Variants in PKHD1 observed in about 807,000 individuals in gnomAD.
The protein encoded by PKHD1 is fibrocystin.
In PKHD1, 291 loss-of-function variants were observed where a neutral mutation model predicts 412.0. The ratio of observed to expected loss-of-function variants is 0.71; its 90% CI spans 0.64 to 0.78. The LOEUF (loss-of-function observed/expected upper bound fraction) is 0.78, where lower values mean the gene tolerates loss of function less well. PKHD1 is among the 30% of genes least tolerant of loss of function. The pLI, the probability that PKHD1 is intolerant of heterozygous loss-of-function variation, is 0.00. For synonymous variants in PKHD1, 1,777 were observed against 1,821.5 expected, an observed-to-expected ratio of 0.98 and a Z score of 0.62; for missense variants, 4,825 against 4,950.7, an observed-to-expected ratio of 0.97 and a Z score of 0.76.
chr6:51,998,061 C>T (rs1435111313), intron 35 of PKHD1, among the ~76,000 whole-genome samples: 3 of 152,134 alleles, frequency 2.0e-5, no homozygotes, highest in South Asian at 2.1e-4. Flanking sequence ...TTGCACGTGG[C>T]GATAAATAAT....
intron 60 of PKHD1, among the ~76,000 whole-genome samples, chr6:51,682,758 A>G (rs1233457140): frequency 1.3e-5 from 2 of 152,038 alleles, no homozygotes; most frequent in Non-Finnish European, 2.9e-5. Flanking sequence ...AGTCTTACCA[A>G]TAGAAGCTCT....
chr6:52,048,280 C>T (rs757910859), intron 23 of PKHD1, among the ~76,000 whole-genome samples: 6 of 152,202 alleles, frequency 3.9e-5, no homozygotes, highest in Admixed American at 6.5e-5. Flanking sequence ...ATACATCTTC[C>T]GCATCTACAA....
chr6:51,925,457 G>GTGTGTGTGTA (rs1554140258), intron 37 of PKHD1, among the ~76,000 whole-genome samples: 39 of 129,012 alleles, frequency 3.0e-4, no homozygotes, highest in African/African-American at 9.6e-4. Context: ...GTGTGTGTAT[G>GTGTGTGTGTA]TGTGTGTGTG....
At chr6:51,845,132 C>T (rs1164705520) in intron 50 of PKHD1, among the ~76,000 whole-genome samples, 1 of 152,144 alleles carries the variant, frequency 6.6e-6, no homozygotes, top group Non-Finnish European at 1.5e-5. Context: ...TGCTCGGGTA[C>T]CAACAACAGC....
intron 50 of PKHD1, 95 bp downstream of exon 50, chr6:51,847,680 C>A (rs1771444149): frequency 3.2e-6 from 3 of 923,166 alleles, no homozygotes; most frequent in Non-Finnish European, 5.3e-6. Flanking sequence ...CCTTTCAGTT[C>A]CTCAGCACTT....
chr6:51,846,692 T>A (rs750091539), intron 50 of PKHD1, among the ~76,000 whole-genome samples: 7 of 152,210 alleles, frequency 4.6e-5, no homozygotes, highest in Non-Finnish European at 7.3e-5. Flanking sequence ...CTTTGGCCTC[T>A]GTGACTCTGC....
At chr6:51,925,395 G>T (rs1785367360) in intron 37 of PKHD1, among the ~76,000 whole-genome samples, 1 of 151,910 alleles carries the variant, frequency 6.6e-6, no homozygotes, top group Non-Finnish European at 1.5e-5. Context: ...ACTTGACTGG[G>T]CTATGGGGTA....
intron 55 of PKHD1, among the ~76,000 whole-genome samples, chr6:51,762,663 A>ATTTT (rs537286606): frequency 0.31 from 47,021 of 150,574 alleles, 9,104 homozygotes; most frequent in East Asian, 0.68. Context: ...ATATATATAT[A>ATTTT]TATTTTCAGG....
chr6:51,871,223 A>G (rs1005149319), intron 46 of PKHD1, among the ~76,000 whole-genome samples: 3 of 152,344 alleles, frequency 2.0e-5, no homozygotes, highest in Middle Eastern at 3.4e-3. Flanking sequence ...AAAACCTGAG[A>G]CAAATGTTCA....
chr6:51,982,806 TAA>T (rs1195552598), intron 35 of PKHD1, among the ~76,000 whole-genome samples: 9 of 40,296 alleles, frequency 2.2e-4, no homozygotes, highest in African/African-American at 7.3e-4. Context: ...GAATGATCAA[TAA>T]AAAAAAAAAT....
chr6:51,639,010 T>C (rs1490753943), intron 63 of PKHD1, 54 bp from the exon 64 acceptor site: 3 of 1,211,804 alleles, frequency 2.5e-6, no homozygotes, highest in Non-Finnish European at 3.7e-6. Context: ...TCTCGAACAA[T>C]GTCTTCATGT....
rs1267186912 is a variant in PKHD1, at chr6:51,617,071, T to A, written c.*2010A>T. 5.7e-6 allele frequency: 1 copy of A among 176,574 alleles called. No homozygotes were observed. The highest frequency in any genetic ancestry group is 2.4e-5 in the African/African-American group (1 of 42,476). The allele number at this position is 176,574 out of a possible 1,614,324, so 10.9% of individuals were successfully genotyped here. The stretch of plus-strand genomic sequence containing the variant: ...TGCATGGTATAGAGCTCAGGAAAAA[T>A]ACCTGTGGAAAAAAAACTTAAAAAG... On this transcript the variant is annotated 3_prime_UTR_variant, in exon 67 of 67. Transcript: ENST00000371117.
intron 25 of PKHD1, among the ~76,000 whole-genome samples, chr6:52,044,020 A>G (rs1389192161): frequency 6.6e-6 from 1 of 152,194 alleles, no homozygotes; most frequent in Non-Finnish European, 1.5e-5. Context: ...ATAAACTTAA[A>G]CTGCATAAGG....
intron 37 of PKHD1, among the ~76,000 whole-genome samples, chr6:51,927,238 A>T (rs1785788455): frequency 6.6e-6 from 1 of 152,030 alleles, no homozygotes; most frequent in African/African-American, 2.4e-5. Flanking sequence ...ACATCCCTCT[A>T]GGGCACCCTT....
chr6:52,043,134 T>C lies in PKHD1; in HGVS notation c.2822A>G (p.Asp941Gly), dbSNP rs778664861. 3 of 1,609,146 alleles carry C rather than the reference T, an allele frequency of 1.9e-6. No individual in the cohort carries two copies. Residue 941 changes from aspartate (D) to glycine (G), a missense_variant and splice_region_variant, in exon 27 of 67, where the codon GAT (aspartate) becomes GGT (glycine). By Grantham distance (94) the Asp-to-Gly change is moderately conservative. Coordinates refer to ENST00000371117, the MANE Select transcript of PKHD1 (RefSeq NM_138694.4). Reference protein sequence around the residue: ...PCVHSVWYSIDGDINLMIYIT... With the variant: ...PCVHSVWYSIGGDINLMIYIT... Reference sequence around the variant, plus strand: ...GTAAATCATTAGGTTGATGTCACCATCTTAAAGGAGAAAAGAAATTAAAAA... The same window carrying C: ...GTAAATCATTAGGTTGATGTCACCACCTTAAAGGAGAAAAGAAATTAAAAA...
chr6:51,642,134 C>T (rs917563768), intron 63 of PKHD1, among the ~76,000 whole-genome samples: 2 of 151,948 alleles, frequency 1.3e-5, no homozygotes, highest in African/African-American at 4.8e-5. Context: ...CTAAGCTGGC[C>T]GGGCATGACA....
chr6:51,983,312 T>C (rs1233063596), intron 35 of PKHD1, among the ~76,000 whole-genome samples: 2 of 152,224 alleles, frequency 1.3e-5, no homozygotes, highest in Non-Finnish European at 2.9e-5. Context: ...AACATCATTA[T>C]TGTGTAAACG....
intron 35 of PKHD1, among the ~76,000 whole-genome samples, chr6:51,989,959 AGAAG>A (rs769016813): frequency 0.03 from 1,099 of 36,502 alleles, 17 homozygotes; most frequent in East Asian, 0.057. Context: ...AAGGAAGGAA[AGAAG>A]GAAGGAAGGA....
intron 63 of PKHD1, among the ~76,000 whole-genome samples, chr6:51,645,038 A>G (rs1581810433): frequency 6.6e-6 from 1 of 152,200 alleles, no homozygotes; most frequent in East Asian, 1.9e-4. Flanking sequence ...GAATGGAGAT[A>G]TTTGGCCAAT....
Sources: allele counts gnomAD v4.1 joint callset (sites outside exome capture counted in the v4.1 genomes callset), GRCh38; gene constraint gnomAD v4.1.1; transcripts MANE v1.5; gene names NCBI Gene and HGNC (gene_info 2026-07-23, HGNC 2026-07-21).